NEGR1: variants seen among roughly 807,000 people sequenced by gnomAD.
The protein encoded by NEGR1 is IgLON family member 4.
Under a neutral mutation model 40.9 loss-of-function variants are expected in NEGR1, and 10 were observed. The observed-to-expected ratio is 0.24, with a 90% confidence interval of 0.15 to 0.42. NEGR1 has a LOEUF of 0.42. Among genes scored for constraint, NEGR1 ranks in the 10% least tolerant of loss-of-function variants. The pLI is 1.00. For missense variants in NEGR1, 352 were observed against 438.9 expected (o/e 0.80, Z 1.77); for synonymous variants, 185 against 166.8 (o/e 1.11, Z -0.84).
intron 1 of NEGR1, among the ~76,000 whole-genome samples, chr1:72,280,053 G>C (rs917085201): frequency 7.9e-5 from 12 of 152,158 alleles, no homozygotes; most frequent in Non-Finnish European, 1.5e-4. Context: ...CAGAGACTCT[G>C]TTCTCTTTAA....
intron 6 of NEGR1, chr1:71,461,943 C>G (rs1425897343): frequency 6.6e-6 from 1 of 152,120 alleles, no homozygotes; most frequent in Non-Finnish European, 1.5e-5. Context: ...GTCAACAGCT[C>G]AAGTTGCCAC....
Position 71,505,885 on chromosome 1 carries a change from G to T in NEGR1, c.940+86932C>A, listed in dbSNP as rs140539958. ...ATCTCCTAATTTCTAGGTAGAGGAG[G>T]GCCAAGGTATCAGAAACCACTGTGA... On this transcript the variant is annotated intron_variant, in intron 6 of 6. Coordinates refer to ENST00000357731, the MANE Select transcript of NEGR1 (RefSeq NM_173808.3). 3.2e-3 allele frequency among the ~76,000 whole-genome samples: 492 copies of T among 152,194 alleles called. 3 individuals carry two copies. Among genetic ancestry groups the T allele is most frequent in the African/African-American group, 0.011 (456 of 41,526 alleles).
intron 6 of NEGR1, among the ~76,000 whole-genome samples, chr1:71,434,592 T>C (rs985217771): frequency 1.3e-5 from 2 of 152,208 alleles, no homozygotes; most frequent in Non-Finnish European, 2.9e-5. Context: ...TAGTGCAATA[T>C]CATAGTCTTG....
chr1:71,596,734 T>G (rs1649725077), intron 5 of NEGR1, among the ~76,000 whole-genome samples: 1 of 152,226 alleles, frequency 6.6e-6, no homozygotes, highest in African/African-American at 2.4e-5. Flanking sequence ...CTATCTGTCT[T>G]TCCAGGTCAG....
At chr1:71,670,258 A>G (rs1222050096) in intron 4 of NEGR1, among the ~76,000 whole-genome samples, 1 of 152,050 alleles carries the variant, frequency 6.6e-6, no homozygotes, top group Non-Finnish European at 1.5e-5. Flanking sequence ...ATTTAATGTT[A>G]TCTTTCCATG....
chr1:72,235,237 G>C (rs894751326), intron 1 of NEGR1, among the ~76,000 whole-genome samples: 9 of 152,128 alleles, frequency 5.9e-5, no homozygotes, highest in Non-Finnish European at 1.3e-4. Flanking sequence ...GGAAAGCACA[G>C]ACGTCCTTGG....
intron 6 of NEGR1, among the ~76,000 whole-genome samples, chr1:71,505,273 C>A (rs1647024357): frequency 6.6e-6 from 1 of 152,006 alleles, no homozygotes. Flanking sequence ...AGCCCCTACA[C>A]CCTGTTTCTT....
intron 2 of NEGR1, among the ~76,000 whole-genome samples, chr1:71,926,087 T>C (rs932081732): frequency 6.6e-6 from 1 of 152,158 alleles, no homozygotes; most frequent in Non-Finnish European, 1.5e-5. Flanking sequence ...GACATACTTA[T>C]CAAACTCTGT....
At chr1:71,983,031 T>C (rs757102840) in intron 1 of NEGR1, among the ~76,000 whole-genome samples, 11 of 152,136 alleles carry the variant, frequency 7.2e-5, no homozygotes, top group Non-Finnish European at 1.0e-4. Context: ...CTGCTGCACA[T>C]GCTACCTGGA....
intron 2 of NEGR1, among the ~76,000 whole-genome samples, chr1:71,807,134 G>T (rs994793264): frequency 6.6e-6 from 1 of 151,902 alleles, no homozygotes; most frequent in African/African-American, 2.4e-5. Context: ...CTGACCTCAT[G>T]ATCTGCCAGC....
intron 4 of NEGR1, among the ~76,000 whole-genome samples, chr1:71,658,049 C>T (rs1437884952): frequency 6.6e-6 from 1 of 152,192 alleles, no homozygotes; most frequent in Non-Finnish European, 1.5e-5. Context: ...CTTCCATGAT[C>T]CCTGCACAGC....
chr1:71,868,693 T>A (rs1046829517), intron 2 of NEGR1, among the ~76,000 whole-genome samples: 12 of 152,130 alleles, frequency 7.9e-5, no homozygotes, highest in African/African-American at 2.9e-4. Context: ...CTGCTTCTAG[T>A]GTATTGAAAG....
chr1:71,623,863 T>G (rs1650686170), intron 4 of NEGR1, among the ~76,000 whole-genome samples: 1 of 151,884 alleles, frequency 6.6e-6, no homozygotes, highest in Non-Finnish European at 1.5e-5. Flanking sequence ...AAGAAAACTC[T>G]GCCTAATAGC....
intron 1 of NEGR1, among the ~76,000 whole-genome samples, chr1:72,131,224 T>C (rs11806831): frequency 0.022 from 3,346 of 152,292 alleles, 134 homozygotes; most frequent in African/African-American, 0.076. Context: ...ACTTTTAATA[T>C]ATCTGAAAAT....
intron 2 of NEGR1, among the ~76,000 whole-genome samples, chr1:71,821,093 T>C (rs1219324751): frequency 6.6e-6 from 1 of 152,004 alleles, no homozygotes; most frequent in Non-Finnish European, 1.5e-5. Flanking sequence ...TCAGAAACAG[T>C]TCACATTTAC....
At chr1:71,837,462 G>A (rs1659079380) in intron 2 of NEGR1, among the ~76,000 whole-genome samples, 1 of 151,958 alleles carries the variant, frequency 6.6e-6, no homozygotes, top group Non-Finnish European at 1.5e-5. Flanking sequence ...TTTCTCTTTA[G>A]ACTTTTTTTG....
intron 1 of NEGR1, among the ~76,000 whole-genome samples, chr1:72,026,545 AAC>A (rs1646811768): frequency 6.6e-6 from 1 of 151,910 alleles, no homozygotes; most frequent in African/African-American, 2.4e-5. Context: ...TTAAAACAAC[AAC>A]AACAAAAAAA....
intron 1 of NEGR1, among the ~76,000 whole-genome samples, chr1:72,269,244 T>C (rs1346059562): frequency 1.3e-5 from 2 of 151,658 alleles, no homozygotes; most frequent in Non-Finnish European, 3.0e-5. Context: ...GGAACTTTTA[T>C]AGGTCTCTGA....
intron 2 of NEGR1, among the ~76,000 whole-genome samples, chr1:71,814,323 T>C (rs1658118843): frequency 6.6e-6 from 1 of 152,164 alleles, no homozygotes; most frequent in Non-Finnish European, 1.5e-5. Flanking sequence ...AAGTATTTTA[T>C]TGAGGATTTT....
Sources: gnomAD v4.1 joint callset for allele counts (sites outside exome capture counted in the v4.1 genomes callset) on GRCh38, gnomAD v4.1.1 for gene constraint, MANE v1.5 for transcripts, NCBI Gene and HGNC (gene_info 2026-07-23, HGNC 2026-07-21) for gene names.